The following MAGI1 variants were observed in gnomAD, a reference collection of about 807,000 sequenced individuals.
MAGI1 encodes the protein membrane associated guanylate kinase, WW and PDZ domain containing 1.
MAGI1 carries 58 observed loss-of-function variants against 139.9 expected under a neutral mutation model. The ratio of observed to expected loss-of-function variants is 0.41; its 90% confidence interval spans 0.34 to 0.52. The LOEUF (loss-of-function observed/expected upper bound fraction) is 0.52. Ranked by LOEUF, MAGI1 falls within the 20% of genes least tolerant of loss-of-function variation. The probability of loss-of-function intolerance (pLI) is 0.12; values close to 1 mark genes in which losing one functional copy is unlikely to be tolerated. For missense variants in MAGI1, 1,874 were observed against 1,901.6 expected, an observed-to-expected ratio of 0.99 and a Z score of 0.27; for synonymous variants, 812 against 737.9, an observed-to-expected ratio of 1.10 and a Z score of -1.63.
chr3:65,971,320 AAG>A (rs542760267), intron 1 of MAGI1, among the ~76,000 whole-genome samples: 3 of 152,198 alleles, frequency 2.0e-5, no homozygotes, highest in Non-Finnish European at 4.4e-5. Flanking sequence ...TTCATTCCTT[AAG>A]AGTCTATGGA....
chr3:65,832,402 A>C (rs993416038), intron 1 of MAGI1, among the ~76,000 whole-genome samples: 13 of 152,208 alleles, frequency 8.5e-5, no homozygotes, highest in African/African-American at 3.1e-4. Context: ...CTGAAAAGAA[A>C]ACTCCTAGGG....
intron 1 of MAGI1, among the ~76,000 whole-genome samples, chr3:65,651,054 A>G (rs1447079188): frequency 6.6e-6 from 1 of 152,162 alleles, no homozygotes; most frequent in Non-Finnish European, 1.5e-5. Context: ...AACTCCCCCA[A>G]CCCCACCTAG....
intron 2 of MAGI1, among the ~76,000 whole-genome samples, chr3:65,507,089 AAAG>A (rs745402864): frequency 2.6e-5 from 4 of 152,204 alleles, no homozygotes; most frequent in South Asian, 2.1e-4. Flanking sequence ...TTGAAAAAAT[AAAG>A]AAGAATTGGG....
chr3:65,841,453 G>GT (rs56049843), intron 1 of MAGI1, among the ~76,000 whole-genome samples: 113 of 147,472 alleles, frequency 7.7e-4, no homozygotes, highest in Middle Eastern at 3.5e-3. Flanking sequence ...TTTTGTTTTT[G>GT]TTTTTTTTTT....
intron 2 of MAGI1, among the ~76,000 whole-genome samples, chr3:65,600,337 C>T (rs986245497): frequency 3.3e-5 from 5 of 152,168 alleles, no homozygotes; most frequent in East Asian, 1.9e-4. Context: ...GAAAAATAGC[C>T]GTCATTTTGG....
At chr3:65,695,224 A>C (rs2107584269) in intron 1 of MAGI1, among the ~76,000 whole-genome samples, 1 of 152,352 alleles carries the variant, frequency 6.6e-6, no homozygotes. Flanking sequence ...CAAAAATGGG[A>C]AAATGAATAC....
chr3:65,766,701 C>A (rs1027218140), intron 1 of MAGI1, among the ~76,000 whole-genome samples: 19 of 151,966 alleles, frequency 1.3e-4, no homozygotes, highest in African/African-American at 3.6e-4. Flanking sequence ...ACTAGCCTGG[C>A]CAATCTGGTG....
intron 22 of MAGI1, 194 bp downstream of exon 22, chr3:65,361,005 G>A: frequency 6.8e-7 from 1 of 1,464,216 alleles, no homozygotes; most frequent in Non-Finnish European, 9.0e-7. Context: ...CCATGCCCCA[G>A]TCCACGTAAG....
chr3:65,985,735 G>C (rs763156959), intron 1 of MAGI1, among the ~76,000 whole-genome samples: 1 of 152,198 alleles, frequency 6.6e-6, no homozygotes, highest in Non-Finnish European at 1.5e-5. Flanking sequence ...TCACAAGAGA[G>C]CAAGGAGAGG....
At chr3:65,783,797 C>A (rs1156346182) in intron 1 of MAGI1, among the ~76,000 whole-genome samples, 1 of 98,982 alleles carries the variant, frequency 1.0e-5, no homozygotes, top group East Asian at 2.9e-4. Flanking sequence ...CACACCCAGC[C>A]TGTACCAAAA....
At chr3:65,380,717 A>C (rs1194185673) in intron 16 of MAGI1, 1 of 152,180 alleles carries the variant, frequency 6.6e-6, no homozygotes, top group African/African-American at 2.4e-5. Context: ...AACCTGAAAC[A>C]ACAAAAAAAA....
chr3:65,687,407 T>C (rs2088148362), intron 1 of MAGI1: 4 of 356,264 alleles, frequency 1.1e-5, no homozygotes, highest in Non-Finnish European at 1.7e-5. Flanking sequence ...TGATTTCTAT[T>C]TGTGTGAAAT....
At chr3:65,743,045 C>CTACATG (rs1163811023) in intron 1 of MAGI1, among the ~76,000 whole-genome samples, 2 of 152,054 alleles carry the variant, frequency 1.3e-5, no homozygotes, top group South Asian at 4.1e-4. Context: ...GAAAGAGACC[C>CTACATG]TACATGACTT....
intron 1 of MAGI1, among the ~76,000 whole-genome samples, chr3:65,705,239 G>A (rs1180434229): frequency 6.6e-6 from 1 of 152,124 alleles, no homozygotes; most frequent in African/African-American, 2.4e-5. Context: ...TGTTTTCAGA[G>A]TATGTTAGCT....
At chr3:65,454,168 G>C (rs1286303584) in intron 5 of MAGI1, among the ~76,000 whole-genome samples, 1 of 152,138 alleles carries the variant, frequency 6.6e-6, no homozygotes, top group Non-Finnish European at 1.5e-5. Flanking sequence ...TGAGCCCCCA[G>C]GGCACCATGC....
In MAGI1 at chr3:65,357,139, G is replaced by C. The variant is rs1940248859; in HGVS notation, c.3635-7C>G. ...TGGCGGTCGCTGCTGGGGTCTGCCAGGAAAATAAACGAGAGCAACAGTTGG... is the reference window on the plus strand; with the variant it reads ...TGGCGGTCGCTGCTGGGGTCTGCCACGAAAATAAACGAGAGCAACAGTTGG... On this transcript the variant is annotated splice_region_variant and splice_polypyrimidine_tract_variant and intron_variant, in intron 22 of 22. Coordinates refer to ENST00000402939, the MANE Select transcript of MAGI1 (RefSeq NM_001033057.2). The C allele has an allele frequency of 6.3e-7, 1 of 1,599,992 alleles. No individual in the cohort carries two copies. The highest frequency in any genetic ancestry group is 1.7e-5 in the Admixed American group (1 of 59,192).
chr3:65,487,389 G>A (rs925808292), intron 3 of MAGI1, among the ~76,000 whole-genome samples: 6 of 152,126 alleles, frequency 3.9e-5, no homozygotes, highest in African/African-American at 1.4e-4. Context: ...ATAAATGAAT[G>A]AACTCACAAA....
intron 1 of MAGI1, among the ~76,000 whole-genome samples, chr3:65,954,866 G>C (rs2064037801): frequency 6.6e-6 from 1 of 152,180 alleles, no homozygotes; most frequent in Non-Finnish European, 1.5e-5. Context: ...CCAGGTAAGG[G>C]CAGCTGTTGC....
intron 2 of MAGI1, among the ~76,000 whole-genome samples, chr3:65,525,928 G>A (rs1368817959): frequency 6.6e-6 from 1 of 152,174 alleles, no homozygotes; most frequent in Admixed American, 6.5e-5. Context: ...TGCTTACTTT[G>A]CTGGGGACTT....
Sources: allele counts gnomAD v4.1 joint callset (sites outside exome capture counted in the v4.1 genomes callset), GRCh38; gene constraint gnomAD v4.1.1; transcripts MANE v1.5; gene names NCBI Gene and HGNC (gene_info 2026-07-23, HGNC 2026-07-21).